Variants in C1QTNF7 observed in about 807,000 individuals in gnomAD.
C1QTNF7 encodes the protein C1q and TNF related 7, also known as complement C1q tumor necrosis factor-related protein 7.
A neutral mutation model predicts 19.6 loss-of-function variants in C1QTNF7; 15 were observed. That is an observed-to-expected ratio of 0.76 (90% confidence interval 0.51 to 1.18). The LOEUF is 1.18. Ranked by LOEUF, C1QTNF7 falls within the 50% of genes most tolerant of loss-of-function variation. The pLI is 0.00. For synonymous variants in C1QTNF7, 142 were observed against 137.5 expected, an observed-to-expected ratio of 1.03 and a Z score of -0.23; for missense variants, 324 against 359.7, an observed-to-expected ratio of 0.90 and a Z score of 0.80.
chr4:15,392,681 G>A (rs1560353244), intron 1 of C1QTNF7, among the ~76,000 whole-genome samples: 2 of 152,194 alleles, frequency 1.3e-5, no homozygotes, highest in African/African-American at 4.8e-5. Context: ...GTGGCATTTG[G>A]GCCAGGCATT....
In C1QTNF7 at chr4:15,422,673, T is replaced by G. The variant is rs143203252; in HGVS notation, c.14-13063T>G. Among the ~76,000 whole-genome samples, 891 of 152,284 alleles carry G rather than the reference T, an allele frequency of 5.9e-3. 10 individuals are homozygous for G. The highest frequency in any genetic ancestry group is 0.02 in the African/African-American group (827 of 41,558). ...AGGCTGGAGTGCAGTGGTGCAAACA[T>G]GGTTCACTGCAGCTTCAACATCTCG... On this transcript the variant is annotated intron_variant, in intron 1 of 2. Transcript: ENST00000295297.
At position 15,340,146 on chromosome 4, in the gene C1QTNF7, A is replaced by C. The variant is rs982754235; in HGVS notation, c.-49A>C. ...TAATAGTTAACTACATTCATGGGAC[A>C]ACCAAAGCAAGAAAGCCTCATGTTT... On this transcript the variant is annotated 5_prime_UTR_variant, in exon 1 of 3. Coordinates refer to the C1QTNF7 transcript ENST00000295297. The C allele has an allele frequency of 2.6e-6, 4 of 1,549,226 alleles. No homozygotes were observed. In the African/African-American group the frequency reaches 5.5e-5, roughly 21 times the overall value.
chr4:15,362,729 G>A (rs1717387989), intron 1 of C1QTNF7, among the ~76,000 whole-genome samples: 1 of 152,130 alleles, frequency 6.6e-6, no homozygotes, highest in Non-Finnish European at 1.5e-5. Context: ...CAGCATCTCA[G>A]TTTCATGCCT....
At chr4:15,414,577 T>G (rs2108919726) in intron 1 of C1QTNF7, among the ~76,000 whole-genome samples, 1 of 150,392 alleles carries the variant, frequency 6.6e-6, no homozygotes, top group Non-Finnish European at 1.5e-5. Context: ...TCGGTGGTTA[T>G]AAATCAGGCT....
At chr4:15,340,226 T>C (rs747288060) in intron 1 of C1QTNF7, 1 of 1,551,490 alleles carries the variant, frequency 6.4e-7, no homozygotes, top group Non-Finnish European at 8.7e-7. Context: ...CCATTTTCAC[T>C]GCAGTTTTTC....
At position 15,373,732 on chromosome 4, in the gene C1QTNF7, T is replaced by C. The variant is rs548300371; in HGVS notation, c.13+33525T>C. ...ATGCTGTATACCCTTTCATCTAATC[T>C]TGACCTGGATTTCCAAGGTAAAATT... On this transcript the variant is annotated intron_variant, in intron 1 of 2. Coordinates refer to the C1QTNF7 transcript ENST00000295297. 4 of 152,364 alleles carry C rather than the reference T, an allele frequency of 2.6e-5. No individual in the cohort carries two copies. The South Asian group carries it at 8.3e-4, about 32-fold the overall frequency. 9.4% of individuals were successfully genotyped at this position (152,364 alleles called of 1,614,324 possible).
intron 1 of C1QTNF7, among the ~76,000 whole-genome samples, chr4:15,341,531 C>T (rs1716537189): frequency 6.6e-6 from 1 of 152,176 alleles, no homozygotes; most frequent in Admixed American, 6.5e-5. Context: ...CCATTAGTTG[C>T]CTCTCTCCAC....
At chr4:15,367,080 T>C (rs1403709566) in intron 1 of C1QTNF7, among the ~76,000 whole-genome samples, 2 of 152,228 alleles carry the variant, frequency 1.3e-5, no homozygotes, top group African/African-American at 4.8e-5. Flanking sequence ...TTTGAATCAA[T>C]TAATGAAGCA....
rs1405349019 is a variant in C1QTNF7, at chr4:15,422,213, A to ATT, written c.14-13523_14-13522insTT. On this transcript the variant is annotated intron_variant, in intron 1 of 2. Coordinates refer to the C1QTNF7 transcript ENST00000295297. ...ATCTAATAAACCTGTTTTTTTTTAA[A>ATT]AAAAAAAAAAAGGATATTGCACAGA... Among the ~76,000 whole-genome samples, 925 of 130,098 alleles carry ATT rather than the reference A, an allele frequency of 7.1e-3. 4 individuals carry two copies. The highest frequency in any genetic ancestry group is 0.021 in the East Asian group (72 of 3,418). The allele number at this position is 130,098 out of a possible 152,430, so 85.3% of individuals were successfully genotyped here. A position where few individuals can be genotyped will look rare whatever the true frequency, so the allele number is the denominator to read the frequency against.
At chr4:15,404,327 A>G (rs1040315013) in intron 1 of C1QTNF7, among the ~76,000 whole-genome samples, 1 of 152,194 alleles carries the variant, frequency 6.6e-6, no homozygotes, top group African/African-American at 2.4e-5. Context: ...CAGTTTTGGA[A>G]CCAGATATAT....
intron 1 of C1QTNF7, among the ~76,000 whole-genome samples, chr4:15,422,703 C>G (rs757755074): frequency 1.3e-5 from 2 of 152,118 alleles, no homozygotes; most frequent in African/African-American, 2.4e-5. Context: ...ATCTCGGGCT[C>G]AAGCCATCCT....
intron 1 of C1QTNF7, among the ~76,000 whole-genome samples, chr4:15,380,853 T>A (rs1400266261): frequency 1.3e-5 from 2 of 151,488 alleles, no homozygotes; most frequent in African/African-American, 4.9e-5. Flanking sequence ...GAGAATCGCT[T>A]GAACCTGGTG....
chr4:15,341,748 A>T (rs992125191), intron 1 of C1QTNF7, among the ~76,000 whole-genome samples: 4 of 152,052 alleles, frequency 2.6e-5, no homozygotes, highest in Non-Finnish European at 5.9e-5. Context: ...GGAAGCCCCC[A>T]CCCTATTTGG....
At chr4:15,372,526 C>T (rs1409980687) in intron 1 of C1QTNF7, among the ~76,000 whole-genome samples, 1 of 152,192 alleles carries the variant, frequency 6.6e-6, no homozygotes, top group Non-Finnish European at 1.5e-5. Context: ...GCAGCCCAAG[C>T]AAGACTCTAC....
At chr4:15,400,217 G>A (rs1333803342) in intron 1 of C1QTNF7, among the ~76,000 whole-genome samples, 1 of 152,130 alleles carries the variant, frequency 6.6e-6, no homozygotes, top group Non-Finnish European at 1.5e-5. Flanking sequence ...ATTGTTGAGA[G>A]AATAAACAAC....
chr4:15,408,163 C>T (rs984012431), intron 1 of C1QTNF7, among the ~76,000 whole-genome samples: 1 of 150,224 alleles, frequency 6.7e-6, no homozygotes, highest in African/African-American at 2.5e-5. Context: ...GTCCCAGCTA[C>T]TCGGGAGGCT....
intron 1 of C1QTNF7, among the ~76,000 whole-genome samples, chr4:15,428,883 C>T (rs1010002207): frequency 6.6e-6 from 1 of 152,162 alleles, no homozygotes; most frequent in Non-Finnish European, 1.5e-5. Flanking sequence ...TTAATGATTT[C>T]CAGGCAAAGC....
intron 1 of C1QTNF7, among the ~76,000 whole-genome samples, chr4:15,396,206 T>A (rs1378432196): frequency 6.6e-6 from 1 of 152,122 alleles, no homozygotes; most frequent in Non-Finnish European, 1.5e-5. Flanking sequence ...AATGTGAAGA[T>A]TCAGCCACTT....
exon 1 of C1QTNF7, chr4:15,340,101 A>T (rs1444210874): frequency 7.2e-7 from 1 of 1,390,646 alleles, no homozygotes; most frequent in Non-Finnish European, 1.0e-6. Context: ...TAATAAACAC[A>T]TATTTCTGCT....
Sources: gnomAD v4.1 joint callset for allele counts (sites outside exome capture counted in the v4.1 genomes callset) on GRCh38, gnomAD v4.1.1 for gene constraint, MANE v1.5 for transcripts, NCBI Gene and HGNC (gene_info 2026-07-23, HGNC 2026-07-21) for gene names.